The following INTS10 variants were observed in gnomAD, a reference collection of about 807,000 sequenced individuals.
INTS10 encodes the protein integrator complex subunit 10, also known as chromosome 8 open reading frame 35.
A neutral mutation model predicts 94.4 loss-of-function variants in INTS10; 44 were observed. The ratio of observed to expected loss-of-function variants is 0.47; its 90% confidence interval spans 0.37 to 0.60. The LOEUF (loss-of-function observed/expected upper bound fraction) is 0.60. Ranked by LOEUF, INTS10 falls within the 20% of genes least tolerant of loss-of-function variation. INTS10 has a pLI of 0.00. For synonymous variants in INTS10, 341 were observed against 320.7 expected, an observed-to-expected ratio of 1.06 and a Z score of -0.68; for missense variants, 797 against 868.7, an observed-to-expected ratio of 0.92 and a Z score of 1.04.
intron 15 of INTS10, among the ~76,000 whole-genome samples, chr8:19,845,011 C>T (rs1479083471): frequency 1.3e-5 from 2 of 152,058 alleles, no homozygotes; most frequent in African/African-American, 4.8e-5. Flanking sequence ...GACCCTCCTA[C>T]CTCAGCCTTC....
intron 13 of INTS10, among the ~76,000 whole-genome samples, chr8:19,840,160 AT>A (rs926411604): frequency 6.6e-6 from 1 of 151,966 alleles, no homozygotes; most frequent in African/African-American, 2.4e-5. Context: ...TAGAAAATGA[AT>A]TTTTTAAGAT....
intron 1 of INTS10, 84 bp downstream of exon 1, chr8:19,817,750 C>T: frequency 6.6e-7 from 1 of 1,505,230 alleles, no homozygotes; most frequent in Admixed American, 2.1e-5. Context: ...AGAGCTGCGC[C>T]TGCCTGGGGG....
At chr8:19,842,485 A>T (rs992648213) in intron 13 of INTS10, among the ~76,000 whole-genome samples, 14 of 152,180 alleles carry the variant, frequency 9.2e-5, no homozygotes, top group Non-Finnish European at 1.6e-4. Flanking sequence ...GCTTTAACTG[A>T]TTTTGTGATT....
chr8:19,834,481 G>A (rs1344714799), intron 12 of INTS10, among the ~76,000 whole-genome samples: 1 of 152,130 alleles, frequency 6.6e-6, no homozygotes, highest in Non-Finnish European at 1.5e-5. Context: ...TTAAAAGGCA[G>A]CACGTATTTA....
At chr8:19,831,299 T>C (rs975965328) in intron 10 of INTS10, among the ~76,000 whole-genome samples, 2 of 152,200 alleles carry the variant, frequency 1.3e-5, no homozygotes, top group African/African-American at 4.8e-5. Context: ...TGTGACAATT[T>C]TGGAGGGGAT....
chr8:19,817,464 C>A lies in INTS10; in HGVS notation c.-74C>A. ...GCGGTGGCGGCGGCGGCGGCGGTGG[C>A]TGCCGTGGCGGCTGAGAGTCCAGAG... On this transcript the variant is annotated 5_prime_UTR_variant, in exon 1 of 17. In the 5' UTR this introduces an upstream ATG that the reference lacks. Transcript: ENST00000397977. The A allele has an allele frequency of 6.5e-7, 1 of 1,542,652 alleles. No homozygotes were observed. Among genetic ancestry groups the A allele is most frequent in the Admixed American group, 2.0e-5 (1 of 50,486 alleles).
rs35223390 is a variant in INTS10, at chr8:19,842,903, C to G, written c.1695C>G (p.Leu565=). 5.5e-3 allele frequency: 8,898 copies of G among 1,611,512 alleles called. 442 individuals carry two copies. The African/African-American group carries it at 0.1, about 19-fold the overall frequency. Residue 565 remains leucine (L), a synonymous_variant, in exon 14 of 17, where the codon CTC becomes CTG. Transcript: ENST00000397977. ...CTSKAIMPYC[L]HLMLACFKLR... is the part of the protein sequence containing the mutation. ...GCAAGGCTATCATGCCATACTGCCT[C>G]CATTTAATGTTAGCCTGTTTTAAGG...
intron 12 of INTS10, among the ~76,000 whole-genome samples, chr8:19,836,784 T>C (rs2067697580): frequency 1.3e-5 from 2 of 152,248 alleles, no homozygotes; most frequent in South Asian, 4.1e-4. Context: ...ACCTCAGTAC[T>C]TAATGCTTGG....
intron 11 of INTS10, among the ~76,000 whole-genome samples, chr8:19,832,583 C>G (rs950812742): frequency 2.6e-5 from 4 of 152,120 alleles, no homozygotes; most frequent in African/African-American, 9.7e-5. Flanking sequence ...CAAAACGAAA[C>G]AAAAACTCCA....
chr8:19,831,655 A>G (rs2067236420), intron 10 of INTS10, among the ~76,000 whole-genome samples: 1 of 152,190 alleles, frequency 6.6e-6, no homozygotes, highest in Non-Finnish European at 1.5e-5. Flanking sequence ...GGGCCACTGT[A>G]CTGCCAGCCT....
intron 9 of INTS10, among the ~76,000 whole-genome samples, chr8:19,827,673 T>G (rs1016498809): frequency 2.0e-5 from 3 of 151,456 alleles, no homozygotes; most frequent in Non-Finnish European, 4.4e-5. Context: ...TTCCTTCCGG[T>G]TTTTTTTGCC....
intron 4 of INTS10, chr8:19,821,628 A>G (rs1482760794): frequency 6.6e-6 from 1 of 152,066 alleles, no homozygotes; most frequent in African/African-American, 2.4e-5. Flanking sequence ...GACACTAGTC[A>G]TTGGATTGAG....
intron 7 of INTS10, 23 bp from the exon 8 acceptor site, chr8:19,824,780 T>C: frequency 1.9e-6 from 3 of 1,572,840 alleles, no homozygotes; most frequent in Non-Finnish European, 2.6e-6. Context: ...ATCAAATAAG[T>C]TTCATCATTC....
At chr8:19,831,443 T>C (rs1428316881) in intron 10 of INTS10, among the ~76,000 whole-genome samples, 1 of 152,140 alleles carries the variant, frequency 6.6e-6, no homozygotes, top group African/African-American at 2.4e-5. Context: ...CCCAGTGCTT[T>C]GGGAAGCTGA....
chr8:19,826,057 T>C (rs2066763862), intron 8 of INTS10, among the ~76,000 whole-genome samples: 1 of 152,184 alleles, frequency 6.6e-6, no homozygotes, highest in African/African-American at 2.4e-5. Context: ...TTAAGAATTC[T>C]TTTCCTAGCT....
chr8:19,832,795 C>T (rs529436709), intron 11 of INTS10, among the ~76,000 whole-genome samples: 12 of 152,286 alleles, frequency 7.9e-5, no homozygotes, highest in South Asian at 2.1e-4. Flanking sequence ...GAGGTGGTGT[C>T]GGAATGGGCA....
At chr8:19,845,528 G>A in intron 15 of INTS10, 176 bp from the exon 16 acceptor site, 1 of 602,596 alleles carries the variant, frequency 1.7e-6, no homozygotes, top group Non-Finnish European at 3.0e-6. Flanking sequence ...CAGTTAGTGG[G>A]GTAGCAATGG....
chr8:19,822,825 C>T (rs1453367774), intron 5 of INTS10, among the ~76,000 whole-genome samples: 3 of 152,014 alleles, frequency 2.0e-5, no homozygotes, highest in Admixed American at 6.6e-5. Flanking sequence ...TGGCGCACGC[C>T]TGTAGTCCCA....
chr8:19,841,864 A>G (rs1316762993), intron 13 of INTS10: 3 of 455,376 alleles, frequency 6.6e-6, no homozygotes, highest in Non-Finnish European at 1.3e-5. Flanking sequence ...TTTTTTAATG[A>G]GATAGAATTC....
Sources: gnomAD v4.1 joint callset for allele counts (sites outside exome capture counted in the v4.1 genomes callset) on GRCh38, gnomAD v4.1.1 for gene constraint, MANE v1.5 for transcripts, NCBI Gene and HGNC (gene_info 2026-07-23, HGNC 2026-07-21) for gene names.